Variants in FHIT observed in about 807,000 individuals in gnomAD.
FHIT encodes bis(5'-adenosyl)-triphosphatase.
In FHIT, 19 loss-of-function variants were observed where a neutral mutation model predicts 17.9. The observed-to-expected ratio is 1.06, with a 90% CI of 0.74 to 1.56. The LOEUF is 1.56. FHIT is among the 40% of genes most tolerant of loss of function. The probability of loss-of-function intolerance (pLI) is 0.00; values close to 1 mark genes in which losing one functional copy is unlikely to be tolerated. For missense variants in FHIT, 248 were observed against 189.2 expected (o/e 1.31, Z -1.82); for synonymous variants, 81 against 69.7 (o/e 1.16, Z -0.81).
At chr3:60,638,021 A>G (rs556301098) in intron 4 of FHIT, among the ~76,000 whole-genome samples, 16 of 152,334 alleles carry the variant, frequency 1.1e-4, no homozygotes, top group African/African-American at 3.8e-4. Flanking sequence ...AATCAACTTC[A>G]ATAAAAACAA....
chr3:60,927,664 C>T (rs1261591945), intron 3 of FHIT, among the ~76,000 whole-genome samples: 3 of 151,862 alleles, frequency 2.0e-5, no homozygotes, highest in Non-Finnish European at 4.4e-5. Flanking sequence ...GTGTCTCTGC[C>T]TGGCCGCCAC....
chr3:61,223,219 T>C (rs1410485062), intron 1 of FHIT, among the ~76,000 whole-genome samples: 2 of 152,220 alleles, frequency 1.3e-5, no homozygotes, highest in African/African-American at 4.8e-5. Context: ...CAAATTTTCA[T>C]TTTAATGAAC....
intron 5 of FHIT, among the ~76,000 whole-genome samples, chr3:60,499,581 C>T (rs540123722): frequency 6.6e-6 from 1 of 152,156 alleles, no homozygotes; most frequent in South Asian, 2.1e-4. Flanking sequence ...TTAGTAGAGA[C>T]GGGGTTTCAC....
intron 5 of FHIT, among the ~76,000 whole-genome samples, chr3:60,445,570 G>A (rs191965764): frequency 2.2e-4 from 33 of 151,980 alleles, no homozygotes; most frequent in East Asian, 9.7e-4. Context: ...ATTCCTGATC[G>A]TTTATCATTT....
At chr3:60,876,696 C>T (rs1553756601) in intron 3 of FHIT, among the ~76,000 whole-genome samples, 1 of 152,150 alleles carries the variant, frequency 6.6e-6, no homozygotes, top group East Asian at 1.9e-4. Context: ...GCTCTAAATG[C>T]TTTTCAAACT....
At chr3:60,463,775 G>C (rs1356106281) in intron 5 of FHIT, among the ~76,000 whole-genome samples, 2 of 152,100 alleles carry the variant, frequency 1.3e-5, no homozygotes, top group Non-Finnish European at 2.9e-5. Flanking sequence ...AACTTCTCTG[G>C]GCATCAGTGT....
chr3:61,152,327 A>G (rs2037417776), intron 2 of FHIT, among the ~76,000 whole-genome samples: 1 of 152,158 alleles, frequency 6.6e-6, no homozygotes, highest in South Asian at 2.1e-4. Flanking sequence ...TGGTAAGTGA[A>G]CCCCTGGAAG....
At chr3:61,107,327 A>G (rs2036020414) in intron 2 of FHIT, among the ~76,000 whole-genome samples, 1 of 152,186 alleles carries the variant, frequency 6.6e-6, no homozygotes, top group South Asian at 2.1e-4. Context: ...AAGGCTGAAT[A>G]ATTTTCCAGG....
intron 5 of FHIT, among the ~76,000 whole-genome samples, chr3:60,441,814 A>C (rs1378313743): frequency 3.2e-5 from 4 of 124,186 alleles, no homozygotes; most frequent in Non-Finnish European, 6.6e-5. Flanking sequence ...ATATATATAT[A>C]TCAGGTCATT....
At chr3:60,970,579 C>A (rs892753904) in intron 3 of FHIT, among the ~76,000 whole-genome samples, 1 of 151,840 alleles carries the variant, frequency 6.6e-6, no homozygotes, top group Non-Finnish European at 1.5e-5. Context: ...TTTATATTAT[C>A]CATTTTCCCC....
At chr3:59,964,118 C>T (rs753621657) in intron 7 of FHIT, among the ~76,000 whole-genome samples, 8 of 152,112 alleles carry the variant, frequency 5.3e-5, no homozygotes, top group Non-Finnish European at 1.2e-4. Context: ...TGACCCATAA[C>T]AATTTGGTTT....
At chr3:60,077,608 T>C (rs1249623829) in intron 5 of FHIT, 2 of 150,364 alleles carry the variant, frequency 1.3e-5, no homozygotes, top group Non-Finnish European at 3.0e-5. Context: ...TTCCCCTGGC[T>C]AAATAGGGAC....
chr3:59,990,861 C>T (rs1353400212), intron 7 of FHIT, among the ~76,000 whole-genome samples: 1 of 152,008 alleles, frequency 6.6e-6, no homozygotes, highest in African/African-American at 2.4e-5. Context: ...CATTATAGAG[C>T]TTTTGCCATA....
At chr3:60,748,465 A>G (rs2042401965) in intron 4 of FHIT, among the ~76,000 whole-genome samples, 1 of 152,174 alleles carries the variant, frequency 6.6e-6, no homozygotes, top group Non-Finnish European at 1.5e-5. Context: ...CCAGGTTCAC[A>G]TTCCTTATAT....
At chr3:59,811,521 C>T (rs192431123) in intron 8 of FHIT, among the ~76,000 whole-genome samples, 65 of 152,126 alleles carry the variant, frequency 4.3e-4, no homozygotes, top group African/African-American at 1.4e-3. Flanking sequence ...AAAATTTCCA[C>T]GGGTGAGCTC....
chr3:60,657,884 A>C (rs1002662632), intron 4 of FHIT, among the ~76,000 whole-genome samples: 1 of 152,128 alleles, frequency 6.6e-6, no homozygotes, highest in Non-Finnish European at 1.5e-5. Context: ...ATTTTTCTGC[A>C]TCCTTGCCAG....
At chr3:60,519,173 T>G (rs1042057652) in intron 5 of FHIT, among the ~76,000 whole-genome samples, 1 of 152,038 alleles carries the variant, frequency 6.6e-6, no homozygotes, top group Non-Finnish European at 1.5e-5. Context: ...TTCTGGAAAA[T>G]AAGATTATAG....
intron 5 of FHIT, among the ~76,000 whole-genome samples, chr3:60,324,855 T>C (rs777630401): frequency 6.6e-5 from 10 of 152,124 alleles, no homozygotes; most frequent in Admixed American, 2.0e-4. Context: ...TGAACAAATA[T>C]GGTTACTGTG....
At chr3:60,921,977 T>A (rs1454579384) in intron 3 of FHIT, among the ~76,000 whole-genome samples, 1 of 152,204 alleles carries the variant, frequency 6.6e-6, no homozygotes, top group Non-Finnish European at 1.5e-5. Context: ...GCTTGAAAGC[T>A]AAACAGAGAG....
Sources: gnomAD v4.1 joint callset for allele counts (sites outside exome capture counted in the v4.1 genomes callset) on GRCh38, gnomAD v4.1.1 for gene constraint, MANE v1.5 for transcripts, NCBI Gene and HGNC (gene_info 2026-07-23, HGNC 2026-07-21) for gene names.